KPNA7: variants seen among roughly 807,000 people sequenced by gnomAD.
KPNA7 encodes the protein karyopherin subunit alpha 7.
In KPNA7, 54 loss-of-function variants were observed where a neutral mutation model predicts 53.7. The observed-to-expected ratio is 1.01, with a 90% confidence interval of 0.81 to 1.26. The LOEUF (loss-of-function observed/expected upper bound fraction) is 1.26, where lower values mean the gene tolerates loss of function less well. KPNA7 is among the 50% of genes most tolerant of loss of function. KPNA7 has a pLI of 0.00. For synonymous variants in KPNA7, 276 were observed against 259.3 expected (o/e 1.06, Z -0.62); for missense variants, 640 against 644.5 (o/e 0.99, Z 0.07).
At chr7:99,166,277 C>A in the KPNA7 span, among the ~76,000 whole-genome samples, 3 of 152,232 alleles carry the variant, frequency 2.0e-5, no homozygotes, top group African/African-American at 7.2e-5. Context: ...ATCTCCTATC[C>A]ATGACCACAC....
In KPNA7 at chr7:99,192,999, A is replaced by T; in HGVS notation, c.636+20T>A. ...AATTTTAATTTAAAAAAAAAAAAAG[A>T]GAAAGAAAAAGACACTTACCGGCAG... On this transcript the variant is annotated intron_variant, in intron 6 of 10. Transcript: ENST00000327442. The T allele has an allele frequency of 8.0e-6, 11 of 1,380,516 alleles. No homozygotes were observed. The highest frequency in any genetic ancestry group is 1.5e-5 in the African/African-American group (1 of 67,380). The allele number at this position is 1,380,516 out of a possible 1,614,324, so 85.5% of individuals were successfully genotyped here.
intron 8 of KPNA7, 35 bp from the exon 9 acceptor site, chr7:99,182,100 C>A (rs1355905460): frequency 3.0e-5 from 44 of 1,469,226 alleles, no homozygotes; most frequent in Non-Finnish European, 3.6e-5. Flanking sequence ...CTCTACAGAT[C>A]CTCAAGAACC....
intron 4 of KPNA7, 149 bp downstream of exon 4, chr7:99,195,935 T>G: frequency 1.6e-6 from 1 of 640,068 alleles, no homozygotes; most frequent in East Asian, 2.8e-5. Context: ...AGAATAGCAA[T>G]TTCGTCTTTT....
chr7:99,146,530 A>G, the KPNA7 span, among the ~76,000 whole-genome samples: 2 of 151,990 alleles, frequency 1.3e-5, no homozygotes, highest in African/African-American at 4.8e-5. Context: ...CCTGGCTAAC[A>G]TGGTGAAACC....
At chr7:99,202,951 A>T (rs1790623871) in intron 3 of KPNA7, among the ~76,000 whole-genome samples, 155 bp downstream of exon 3, 1 of 152,184 alleles carries the variant, frequency 6.6e-6, no homozygotes, top group Admixed American at 6.6e-5. Flanking sequence ...CCTTTTGACA[A>T]AGGCAGTTTA....
the KPNA7 span, among the ~76,000 whole-genome samples, chr7:99,164,021 C>T: frequency 6.6e-6 from 1 of 151,532 alleles, no homozygotes; most frequent in South Asian, 2.1e-4. Context: ...GAAATAGGAA[C>T]ACTTTTACAC....
chr7:99,146,390 A>G, the KPNA7 span, among the ~76,000 whole-genome samples: 1 of 152,074 alleles, frequency 6.6e-6, no homozygotes, highest in Non-Finnish European at 1.5e-5. Flanking sequence ...ATTCTGATAA[A>G]CCCATAATAT....
At chr7:99,182,615 A>G (rs1041043502) in intron 8 of KPNA7, among the ~76,000 whole-genome samples, 1 of 152,144 alleles carries the variant, frequency 6.6e-6, no homozygotes, top group African/African-American at 2.4e-5. Context: ...GATTATAGGC[A>G]TGAACCCCCT....
chr7:99,169,726 T>C (rs887184130), downstream of KPNA7, among the ~76,000 whole-genome samples: 1 of 151,046 alleles, frequency 6.6e-6, no homozygotes, highest in Non-Finnish European at 1.5e-5. Flanking sequence ...TTAGGAAAAC[T>C]AACCAGCCCA....
the KPNA7 span, among the ~76,000 whole-genome samples, chr7:99,160,004 CTCT>C: frequency 2.8e-5 from 4 of 143,616 alleles, no homozygotes; most frequent in African/African-American, 1.0e-4. Flanking sequence ...AGTGTTTCTC[CTCT>C]GTTGTTTTTG....
chr7:99,166,728 T>G, the KPNA7 span, among the ~76,000 whole-genome samples: 2 of 152,178 alleles, frequency 1.3e-5, no homozygotes, highest in African/African-American at 4.8e-5. Flanking sequence ...CAAGTGATTC[T>G]CCTACCTCAC....
chr7:99,202,875 T>TAGCAC (rs201864118), intron 3 of KPNA7, among the ~76,000 whole-genome samples: 12,044 of 151,808 alleles, frequency 0.079, 513 homozygotes, highest in South Asian at 0.15. Context: ...ATAATAAAAA[T>TAGCAC]CCTCTCCATC....
At chr7:99,180,621 CTCTCTCCCCG>C in intron 9 of KPNA7, among the ~76,000 whole-genome samples, 1 of 76,380 alleles carries the variant, frequency 1.3e-5, no homozygotes, top group East Asian at 2.9e-4. Context: ...CTCCCCATCT[CTCTCTCCCCG>C]TCTCTCTCTC....
chr7:99,158,796 T>A, the KPNA7 span, among the ~76,000 whole-genome samples: 1 of 152,110 alleles, frequency 6.6e-6, no homozygotes. Context: ...GCTACCACAC[T>A]CAGCCCAGTT....
At chr7:99,158,727 C>T in the KPNA7 span, among the ~76,000 whole-genome samples, 3 of 152,124 alleles carry the variant, frequency 2.0e-5, no homozygotes, top group South Asian at 4.1e-4. Context: ...TTGTCTCGAA[C>T]TCCTGACTTC....
the KPNA7 span, among the ~76,000 whole-genome samples, chr7:99,165,666 C>G: frequency 1.3e-5 from 2 of 152,170 alleles, no homozygotes; most frequent in Non-Finnish European, 2.9e-5. Context: ...CTGCTTTGGG[C>G]ATGATGTTTT....
upstream of KPNA7, among the ~76,000 whole-genome samples, chr7:99,209,704 A>AAAAT (rs1563091976): frequency 4.3e-3 from 612 of 142,784 alleles, 4 homozygotes; most frequent in African/African-American, 0.016. Context: ...AAAAAAAAAA[A>AAAAT]AAAAAAGAAA....
chr7:99,191,055 C>G (rs1352013466), intron 6 of KPNA7, among the ~76,000 whole-genome samples: 4 of 152,068 alleles, frequency 2.6e-5, no homozygotes, highest in African/African-American at 9.7e-5. Flanking sequence ...TCTGAACAAT[C>G]TAACCTGAAA....
rs1554462351 is a variant in KPNA7 at position 99,181,061 on chromosome 7, G to GTCTCTCTCTATCTGTGTCTC, written c.1317+821_1317+822insGAGACACAGATAGAGAGAGA. ...TGTCTCTCTCTCTCTCTCCGTCTGT[G>GTCTCTCTCTATCTGTGTCTC]TCTCTCTCTCCATCTGTGTCTCTCT... On this transcript the variant is annotated intron_variant, in intron 9 of 10. Coordinates refer to ENST00000327442, the MANE Select transcript of KPNA7 (RefSeq NM_001145715.3). Among the ~76,000 whole-genome samples the GTCTCTCTCTATCTGTGTCTC allele has an allele frequency of 2.8e-3, 12 of 4,324 alleles. 4 individuals carry two copies. The highest frequency in any genetic ancestry group is 0.014 in the Admixed American group (8 of 562). 2.8% of individuals were successfully genotyped at this position (4,324 alleles called of 152,430 possible). A position where few individuals can be genotyped will look rare whatever the true frequency, so the allele number is the denominator to read the frequency against.
Sources: gnomAD v4.1 joint callset for allele counts (sites outside exome capture counted in the v4.1 genomes callset) on GRCh38, gnomAD v4.1.1 for gene constraint, MANE v1.5 for transcripts, NCBI Gene and HGNC (gene_info 2026-07-23, HGNC 2026-07-21) for gene names.